The following RBMS3 variants were observed in gnomAD, a reference collection of about 807,000 sequenced individuals.
RBMS3 encodes the protein RNA binding motif single stranded interacting protein 3, also known as RNA-binding motif, single-stranded-interacting protein 3.
Under a neutral mutation model 66.8 loss-of-function variants are expected in RBMS3, and 27 were observed. The ratio of observed to expected loss-of-function variants is 0.40; its 90% CI spans 0.30 to 0.56. The LOEUF is 0.56. Among genes scored for constraint, RBMS3 ranks in the 20% least tolerant of loss-of-function variants. The pLI is 0.40. For missense variants in RBMS3, 513 were observed against 549.5 expected (o/e 0.93, Z 0.66); for synonymous variants, 188 against 183.0 (o/e 1.03, Z -0.22).
At chr3:29,773,835 T>G (rs536781415) in intron 6 of RBMS3, among the ~76,000 whole-genome samples, 2 of 152,188 alleles carry the variant, frequency 1.3e-5, no homozygotes, top group East Asian at 3.9e-4. Context: ...GAGAATACCC[T>G]GTGTATGATG....
intron 4 of RBMS3, among the ~76,000 whole-genome samples, chr3:29,734,816 T>C (rs891388032): frequency 1.3e-5 from 2 of 152,150 alleles, no homozygotes; most frequent in East Asian, 1.9e-4. Flanking sequence ...TGATGAAAAG[T>C]TGGACTTGCA....
chr3:29,757,661 T>C (rs1576714927), intron 5 of RBMS3, among the ~76,000 whole-genome samples: 1 of 152,334 alleles, frequency 6.6e-6, no homozygotes, highest in Admixed American at 6.5e-5. Flanking sequence ...AATTTTAATG[T>C]ACAGTGATTT....
intron 1 of RBMS3, among the ~76,000 whole-genome samples, chr3:29,302,068 G>C (rs1215342317): frequency 6.6e-6 from 1 of 151,922 alleles, no homozygotes; most frequent in Non-Finnish European, 1.5e-5. Flanking sequence ...GTAGTGCAGT[G>C]GTATGGTCAT....
chr3:29,648,263 ATTT>A (rs749839563), intron 4 of RBMS3, among the ~76,000 whole-genome samples: 12 of 77,638 alleles, frequency 1.5e-4, no homozygotes, highest in East Asian at 4.1e-4. Flanking sequence ...GAAAATGTCT[ATTT>A]TTTTTTTTTT....
At chr3:29,476,820 T>TC (rs536553389) in intron 2 of RBMS3, among the ~76,000 whole-genome samples, 122 of 152,330 alleles carry the variant, frequency 8.0e-4, no homozygotes, top group African/African-American at 2.6e-3. Context: ...TATTTTGCCT[T>TC]TTGTGGGTTC....
chr3:29,413,906 C>A (rs905856160), intron 1 of RBMS3, among the ~76,000 whole-genome samples: 2 of 152,062 alleles, frequency 1.3e-5, no homozygotes, highest in Non-Finnish European at 2.9e-5. Context: ...CTTTTTGTTC[C>A]TTTTACTTAA....
intron 4 of RBMS3, among the ~76,000 whole-genome samples, chr3:29,626,808 T>G (rs1337513662): frequency 6.6e-6 from 1 of 152,146 alleles, no homozygotes. Context: ...AGTCCTGATA[T>G]CTCAGATTCA....
At chr3:29,331,815 C>CTTTTTTTTT (rs11354452) in intron 1 of RBMS3, among the ~76,000 whole-genome samples, 2 of 69,710 alleles carry the variant, frequency 2.9e-5, no homozygotes, top group Admixed American at 2.0e-4. Flanking sequence ...AGGATAGCTC[C>CTTTTTTTTT]TTTTTTTTTT....
intron 6 of RBMS3, among the ~76,000 whole-genome samples, chr3:29,868,554 C>G (rs1331773494): frequency 6.6e-6 from 1 of 152,192 alleles, no homozygotes; most frequent in Non-Finnish European, 1.5e-5. Flanking sequence ...GAACACGTTT[C>G]TGACATTACT....
chr3:29,701,844 C>G lies in RBMS3; in HGVS notation c.400-37876C>G, dbSNP rs57440180. 3.7e-3 allele frequency among the ~76,000 whole-genome samples: 569 copies of G among 151,808 alleles called. 21 individuals carry two copies. The East Asian group carries it at 0.096, about 26-fold the overall frequency. On this transcript the variant is annotated intron_variant, in intron 4 of 14. Coordinates refer to ENST00000383767, the MANE Select transcript of RBMS3 (RefSeq NM_001003793.3). ...TTGGGACCTGAAGCCTGCGCGCAGC[C>G]GGAGTCTCACCGAGGAGCCCCACCC...
intron 1 of RBMS3, among the ~76,000 whole-genome samples, chr3:29,332,850 C>T (rs1162408707): frequency 1.3e-5 from 2 of 152,134 alleles, no homozygotes; most frequent in African/African-American, 4.8e-5. Context: ...ACTTCTGTTG[C>T]ATGTTCCTCC....
intron 1 of RBMS3, among the ~76,000 whole-genome samples, chr3:29,362,814 G>A (rs1432760327): frequency 2.0e-5 from 3 of 152,114 alleles, no homozygotes; most frequent in Non-Finnish European, 2.9e-5. Flanking sequence ...GCTAATTAAC[G>A]CTGACGTCGA....
chr3:30,009,197 A>ACAAT lies in RBMS3; in HGVS notation c.*5338_*5341dup, dbSNP rs1699888862. On this transcript the variant is annotated 3_prime_UTR_variant, in exon 15 of 15. Coordinates refer to ENST00000383767, the MANE Select transcript of RBMS3 (RefSeq NM_001003793.3). ...CCCAATTTCTAAATTGTGCATAAAT[A>ACAAT]CAATCACTCTCAATTTTTGAAGGGC... 2 of 152,036 alleles carry ACAAT rather than the reference A, an allele frequency of 1.3e-5. No homozygotes were observed. The highest frequency in any genetic ancestry group is 4.8e-5 in the African/African-American group (2 of 41,408). The allele number at this position is 152,036 out of a possible 1,614,324, so 9.4% of individuals were successfully genotyped here.
chr3:29,614,318 G>C (rs139127119), intron 4 of RBMS3: 177 of 152,020 alleles, frequency 1.2e-3, no homozygotes, highest in African/African-American at 4.2e-3. Context: ...GAAGGAGGGT[G>C]GACAGGAATT....
intron 12 of RBMS3, among the ~76,000 whole-genome samples, chr3:29,956,631 T>C (rs1696063570): frequency 6.6e-6 from 1 of 152,112 alleles, no homozygotes; most frequent in South Asian, 2.1e-4. Context: ...GCCTGAATTT[T>C]CTCTCACAGT....
intron 1 of RBMS3, among the ~76,000 whole-genome samples, chr3:29,340,785 C>G (rs1431814013): frequency 6.6e-6 from 1 of 152,084 alleles, no homozygotes; most frequent in Non-Finnish European, 1.5e-5. Context: ...ATAATTAGAT[C>G]ATAGTATTTC....
chr3:29,514,100 A>G (rs983966266), intron 3 of RBMS3, among the ~76,000 whole-genome samples: 1 of 152,198 alleles, frequency 6.6e-6, no homozygotes, highest in Non-Finnish European at 1.5e-5. Flanking sequence ...GAAGTAGCCT[A>G]GAATAGGAAG....
chr3:29,898,387 T>TA (rs2060176641), intron 9 of RBMS3, among the ~76,000 whole-genome samples: 1 of 151,604 alleles, frequency 6.6e-6, no homozygotes, highest in Admixed American at 6.6e-5. Context: ...GGGTGGATGT[T>TA]ATATAATGAG....
intron 4 of RBMS3, among the ~76,000 whole-genome samples, chr3:29,730,482 GT>G (rs913637095): frequency 3.9e-5 from 6 of 152,130 alleles, no homozygotes; most frequent in Admixed American, 3.9e-4. Flanking sequence ...ATATAAAAAT[GT>G]TTTGCATCTG....
Sources: allele counts gnomAD v4.1 joint callset (sites outside exome capture counted in the v4.1 genomes callset), GRCh38; gene constraint gnomAD v4.1.1; transcripts MANE v1.5; gene names NCBI Gene and HGNC (gene_info 2026-07-23, HGNC 2026-07-21).